Variants in OR9Q2 observed in about 807,000 individuals in gnomAD.
OR9Q2 encodes olfactory receptor 9Q2.
OR9Q2 carries 2 observed loss-of-function variants against 2.3 expected under a neutral mutation model. The observed-to-expected ratio is 0.85, with a 90% CI of 0.35 to 2.68. OR9Q2 has a LOEUF of 2.68. OR9Q2 is among the 30% of genes most tolerant of loss of function. The pLI, the probability that OR9Q2 is intolerant of heterozygous loss-of-function variation, is 0.10. For missense variants in OR9Q2, 404 were observed against 395.7 expected (o/e 1.02, Z -0.18); for synonymous variants, 178 against 158.6 (o/e 1.12, Z -0.92).
At position 58,190,855 on chromosome 11, in the gene OR9Q2, G is replaced by C; in HGVS notation, c.365G>C (p.Arg122Pro). The change falls in exon 2 of 2, where the codon CGC becomes CCC. Residue 122 changes from arginine to proline, a missense_variant. Coordinates refer to ENST00000641291, the MANE Select transcript of OR9Q2 (RefSeq NM_001005283.3). ...CTTCTGGCCATCATGGCCTATGACC[G>C]CTACACGGCCGTGTGCCAGCCCCTG... Reference protein sequence around the residue: ...CYLLAIMAYDRYTAVCQPLLY... With the variant: ...CYLLAIMAYDPYTAVCQPLLY... 6.2e-7 allele frequency: 1 copy of C among 1,614,136 alleles called. No individual in the cohort carries two copies. The highest frequency in any genetic ancestry group is 8.5e-7 in the Non-Finnish European group (1 of 1,180,038).
Position 58,190,584 on chromosome 11 carries a change from T to C in OR9Q2, c.94T>C (p.Leu32=). The part of the protein sequence containing the change: ...QWRVPLFLIF[L]SFYLATMLGN... ...GAGGGTTCCTCTCTTCCTCATATTT[T>C]TGAGTTTCTATCTTGCCACTATGTT... The change falls in exon 2 of 2, where the codon TTG becomes CTG. Residue 32 remains leucine, a synonymous_variant. Coordinates refer to ENST00000641291, the MANE Select transcript of OR9Q2 (RefSeq NM_001005283.3). 6.2e-7 allele frequency: 1 copy of C among 1,614,198 alleles called. No individual in the cohort carries two copies. The highest frequency in any genetic ancestry group is 8.5e-7 in the Non-Finnish European group (1 of 1,180,030).
rs1394397398 is a variant in OR9Q2, at chr11:58,190,814, C to T, written c.324C>T (p.Ala108=). The change falls in exon 2 of 2, where the codon GCC becomes GCT. Residue 108 remains alanine (A), a synonymous_variant. Coordinates refer to ENST00000641291, the MANE Select transcript of OR9Q2 (RefSeq NM_001005283.3). The part of the protein sequence containing the change: ...AAQFFLFTFF[A]SIDCYLLAIM... The stretch of plus-strand genomic sequence containing the variant: ...AGTTCTTCCTCTTCACCTTCTTTGC[C>T]TCCATCGACTGCTACCTTCTGGCCA... 1 of 1,614,124 alleles carries T rather than the reference C, an allele frequency of 6.2e-7. No individual in the cohort carries two copies. The highest frequency in any genetic ancestry group is 1.3e-5 in the African/African-American group (1 of 74,942).
chr11:58,191,853 A>G lies in OR9Q2; in HGVS notation c.*418A>G, dbSNP rs554343225. ...TCTGTCAAGTAGATTTATCTACCTT[A>G]TAGGACTATGGTTTTGAGGATCCAA... On this transcript the variant is annotated 3_prime_UTR_variant, in exon 2 of 2. Transcript: ENST00000641291. 2.5e-5 allele frequency: 4 copies of G among 162,140 alleles called. No homozygotes were observed. The highest frequency in any genetic ancestry group is 9.6e-5 in the African/African-American group (4 of 41,690). 10.0% of individuals were successfully genotyped at this position (162,140 alleles called of 1,614,324 possible).
chr11:58,190,559 G>A lies in OR9Q2; in HGVS notation c.69G>A (p.Trp23Ter). The A allele has an allele frequency of 6.2e-7, 1 of 1,614,032 alleles. No individual in the cohort carries two copies. Among genetic ancestry groups the A allele is most frequent in the Non-Finnish European group, 8.5e-7 (1 of 1,179,910 alleles). Residue 23 changes from tryptophan to a stop codon, truncating the protein, a stop_gained, in exon 2 of 2, where the codon TGG becomes TGA. Transcript: ENST00000641291. LOFTEE classifies it low-confidence loss of function (END_TRUNC). ...FLTAFTEHLQ[W>*]RVPLFLIFLS... ...CTGCATTTACTGAACATCTCCAGTGGAGGGTTCCTCTCTTCCTCATATTTT... is the reference window on the plus strand; with the variant it reads ...CTGCATTTACTGAACATCTCCAGTGAAGGGTTCCTCTCTTCCTCATATTTT...
Position 58,191,100 on chromosome 11 carries a change from C to G in OR9Q2, c.610C>G (p.Leu204Val), listed in dbSNP as rs763920323. 4 of 1,614,070 alleles carry G rather than the reference C, an allele frequency of 2.5e-6. No individual in the cohort carries two copies. In the East Asian group the frequency reaches 8.9e-5, roughly 36 times the overall value. Residue 204 changes from leucine to valine, a missense_variant, in exon 2 of 2, where the codon CTT (leucine) becomes GTT (valine). Leu to Val is a conservative substitution (Grantham distance 32, BLOSUM62 1). Coordinates refer to ENST00000641291, the MANE Select transcript of OR9Q2 (RefSeq NM_001005283.3). ...GGAAGTGGTGATTATTGTGTTTGCT[C>G]TTTTCGTCATGCCTGCCTGTATCTT... ...TQEVVIIVFA[L>V]FVMPACILVI...
Position 58,191,475 on chromosome 11 carries a change from TC to T in OR9Q2, c.*41del, listed in dbSNP as rs1854764733. On this transcript the variant is annotated 3_prime_UTR_variant, in exon 2 of 2. Transcript: ENST00000641291. ...AATATATCATTCCTTAGTTTCCCCA[TC>T]TTTTCTGTCTTTTCTCAATAGCACC... 7.3e-7 allele frequency: 1 copy of T among 1,372,500 alleles called. No individual in the cohort carries two copies. Among genetic ancestry groups the T allele is most frequent in the East Asian group, 2.3e-5 (1 of 43,112 alleles). 85.0% of individuals were successfully genotyped at this position (1,372,500 alleles called of 1,614,324 possible). A position where few individuals can be genotyped will look rare whatever the true frequency, so the allele number is the denominator to read the frequency against.
At position 58,190,954 on chromosome 11, in the gene OR9Q2, G is replaced by T. The variant is rs1328389455; in HGVS notation, c.464G>T (p.Ser155Ile). The change falls in exon 2 of 2, where the codon AGT becomes ATT. Residue 155 changes from serine (S) to isoleucine (I), a missense_variant. Ser to Ile is a moderately radical substitution (Grantham distance 142). Transcript: ENST00000641291. ...GGGGCTTACGTTGCTGGTTTTTTCA[G>T]TGCCTTTGTTCGAACGGTCACAGCC... ...VTGAYVAGFF[S>I]AFVRTVTAFT... is the part of the protein sequence containing the mutation. The T allele has an allele frequency of 6.2e-7, 1 of 1,614,068 alleles. No homozygotes were observed. The highest frequency in any genetic ancestry group is 8.5e-7 in the Non-Finnish European group (1 of 1,180,038).
chr11:58,189,912 G>A (rs1033201331), intron 1 of OR9Q2, among the ~76,000 whole-genome samples: 2 of 152,188 alleles, frequency 1.3e-5, no homozygotes, highest in African/African-American at 4.8e-5. Context: ...CATGTTGTTA[G>A]ACTGAGAATA....
chr11:58,191,035 C>T lies in OR9Q2; in HGVS notation c.545C>T (p.Pro182Leu), dbSNP rs1216760564. 3 of 1,614,184 alleles carry T rather than the reference C, an allele frequency of 1.9e-6. No homozygotes were observed. The highest frequency in any genetic ancestry group is 2.5e-6 in the Non-Finnish European group (3 of 1,180,026). ...ATCAACTTCATTTTCTGTGACCTCC[C>T]TCCTCTATTAAAACTCTCCTGTGGG... ...NEINFIFCDL[P>L]PLLKLSCGDS... is the part of the protein sequence containing the mutation. The change falls in exon 2 of 2, where the codon CCT becomes CTT. Residue 182 changes from proline (P) to leucine (L), a missense_variant. Transcript: ENST00000641291.
chr11:58,190,144 C>T (rs1590632851), intron 1 of OR9Q2, among the ~76,000 whole-genome samples, 175 bp from the exon 2 acceptor site: 2 of 152,216 alleles, frequency 1.3e-5, no homozygotes, highest in East Asian at 1.9e-4. Context: ...CATTATGATC[C>T]TCTTTTGGCA....
chr11:58,189,813 A>C (rs1854741086), intron 1 of OR9Q2, among the ~76,000 whole-genome samples: 1 of 152,182 alleles, frequency 6.6e-6, no homozygotes. Context: ...TTTCAAGGTC[A>C]ATGCTTGAGT....
At position 58,190,663 on chromosome 11, in the gene OR9Q2, C is replaced by T. The variant is rs201381322; in HGVS notation, c.173C>T (p.Pro58Leu). 118 of 1,614,172 alleles carry T rather than the reference C, an allele frequency of 7.3e-5. No homozygotes were observed. The East Asian group carries it at 2.1e-3, about 29-fold the overall frequency. Reference protein sequence around the residue: ...LIRGDRRLHTPMYFFLSHLSL... With the variant: ...LIRGDRRLHTLMYFFLSHLSL... ...CGTGGCGATCGTCGGCTCCACACCC[C>T]GATGTACTTCTTCCTCAGCCACCTT... is the stretch of plus-strand genomic sequence containing the variant. Residue 58 changes from proline (P) to leucine (L), a missense_variant, in exon 2 of 2, where the codon CCG becomes CTG. Physicochemically the swap from Pro to Leu is moderately conservative, Grantham distance 98 (BLOSUM62 -3). Transcript: ENST00000641291.
rs761868219 is a variant in OR9Q2, at chr11:58,191,270, G to T, written c.780G>T (p.Leu260=). The change falls in exon 2 of 2, where the codon CTG becomes CTT. Residue 260 remains leucine (L), a synonymous_variant. Coordinates refer to ENST00000641291, the MANE Select transcript of OR9Q2 (RefSeq NM_001005283.3). ...LFFGTLIFMY[L]RDNTGQSSEG... The stretch of plus-strand genomic sequence containing the variant: ...TTGGCACCCTCATCTTCATGTACCT[G>T]CGAGACAACACAGGCCAGTCCTCCG... The T allele has an allele frequency of 1.9e-6, 3 of 1,613,902 alleles. No individual in the cohort carries two copies. Among genetic ancestry groups the T allele is most frequent in the African/African-American group, 2.7e-5 (2 of 74,864 alleles).
Position 58,193,733 on chromosome 11 carries a change from T to C in OR9Q2, c.*2298T>C. On this transcript the variant is annotated 3_prime_UTR_variant, in exon 2 of 2. Coordinates refer to ENST00000641291, the MANE Select transcript of OR9Q2 (RefSeq NM_001005283.3). ...TAGGTGTGGGCTGAGATGGGTGAGTTTGATGGACTCACATTATTGTGAAGT... is the reference window on the plus strand; with the variant it reads ...TAGGTGTGGGCTGAGATGGGTGAGTCTGATGGACTCACATTATTGTGAAGT... The C allele has an allele frequency of 6.6e-6, 1 of 152,340 alleles. No homozygotes were observed. The highest frequency in any genetic ancestry group is 2.4e-5 in the African/African-American group (1 of 41,574). 9.4% of individuals were successfully genotyped at this position (152,340 alleles called of 1,614,324 possible).
chr11:58,192,451 C>G lies in OR9Q2; in HGVS notation c.*1016C>G, dbSNP rs566063574. 2 of 152,226 alleles carry G rather than the reference C, an allele frequency of 1.3e-5. No homozygotes were observed. Among genetic ancestry groups the G allele is most frequent in the East Asian group, 3.9e-4 (2 of 5,178 alleles). The allele number at this position is 152,226 out of a possible 1,614,324, so 9.4% of individuals were successfully genotyped here. ...ACTCAACCGGAATTTATTGTTATTGCTCTTTTCTTTTTCCTTTTATCTGGT... is the reference window on the plus strand; with the variant it reads ...ACTCAACCGGAATTTATTGTTATTGGTCTTTTCTTTTTCCTTTTATCTGGT... On this transcript the variant is annotated 3_prime_UTR_variant, in exon 2 of 2. Coordinates refer to ENST00000641291, the MANE Select transcript of OR9Q2 (RefSeq NM_001005283.3).
At position 58,192,116 on chromosome 11, in the gene OR9Q2, AAATAATAAT is replaced by A. The variant is rs3061594; in HGVS notation, c.*704_*712del. 9 of 145,586 alleles carry A rather than the reference AAATAATAAT, an allele frequency of 6.2e-5. No homozygotes were observed. Among genetic ancestry groups the A allele is most frequent in the East Asian group, 2.0e-4 (1 of 5,028 alleles). The allele number at this position is 145,586 out of a possible 1,614,324, so 9.0% of individuals were successfully genotyped here. A position where few individuals can be genotyped will look rare whatever the true frequency, so the allele number is the denominator to read the frequency against. On this transcript the variant is annotated 3_prime_UTR_variant, in exon 2 of 2. Transcript: ENST00000641291. ...TGTGATTTTTGAATAACAATGAGGA[AAATAATAAT>A]AATAATAATAATAATAATAATAGCA...
In OR9Q2 at chr11:58,191,375, G is replaced by A; in HGVS notation, c.885G>A (p.Lys295=). 1 of 1,613,868 alleles carries A rather than the reference G, an allele frequency of 6.2e-7. No homozygotes were observed. The highest frequency in any genetic ancestry group is 1.3e-5 in the African/African-American group (1 of 75,024). Reference sequence around the variant, plus strand: ...CCCTTATCTATAGCCTGAGAAACAAGGAGGTAAAAGAGGCCACTAGGAAAG... The same window carrying A: ...CCCTTATCTATAGCCTGAGAAACAAAGAGGTAAAAGAGGCCACTAGGAAAG... ...LNPLIYSLRN[K]EVKEATRKAL... Residue 295 remains lysine (K), a synonymous_variant, in exon 2 of 2, where the codon AAG becomes AAA. Transcript: ENST00000641291.
In OR9Q2 at chr11:58,190,928, T is replaced by G; in HGVS notation, c.438T>G (p.Thr146=). 7.4e-6 allele frequency: 12 copies of G among 1,614,222 alleles called. No individual in the cohort carries two copies. Among genetic ancestry groups the G allele is most frequent in the Non-Finnish European group, 1.0e-5 (12 of 1,180,038 alleles). ...AGAAGGCCCGCTGGGGCCTAGTCAC[T>G]GGGGCTTACGTTGCTGGTTTTTTCA... ...ITEKARWGLV[T]GAYVAGFFSA... Residue 146 remains threonine (T), a synonymous_variant, in exon 2 of 2, where the codon ACT becomes ACG. Transcript: ENST00000641291.
Position 58,191,056 on chromosome 11 carries a change from G to T in OR9Q2, c.566G>T (p.Cys189Phe). The change falls in exon 2 of 2, where the codon TGT becomes TTT. Residue 189 changes from cysteine to phenylalanine, a missense_variant. Coordinates refer to ENST00000641291, the MANE Select transcript of OR9Q2 (RefSeq NM_001005283.3). ...CDLPPLLKLS[C>F]GDSYTQEVVI... ...CTCCCTCCTCTATTAAAACTCTCCTGTGGGGACAGCTACACTCAGGAAGTG... is the reference window on the plus strand; with the variant it reads ...CTCCCTCCTCTATTAAAACTCTCCTTTGGGGACAGCTACACTCAGGAAGTG... The T allele has an allele frequency of 6.2e-7, 1 of 1,614,116 alleles. No homozygotes were observed. The highest frequency in any genetic ancestry group is 2.2e-5 in the East Asian group (1 of 44,872).
Sources: allele counts gnomAD v4.1 joint callset (sites outside exome capture counted in the v4.1 genomes callset), GRCh38; gene constraint gnomAD v4.1.1; transcripts MANE v1.5; gene names NCBI Gene and HGNC (gene_info 2026-07-23, HGNC 2026-07-21).